COL5A2: variants seen among roughly 807,000 people sequenced by gnomAD.
COL5A2 encodes the protein collagen type V alpha 2 chain.
A neutral mutation model predicts 208.2 loss-of-function variants in COL5A2; 23 were observed. The observed-to-expected ratio is 0.11, with a 90% CI of 0.08 to 0.16. The LOEUF is 0.16. Among genes scored for constraint, COL5A2 ranks in the 10% least tolerant of loss-of-function variants. The pLI is 1.00. For synonymous variants in COL5A2, 625 were observed against 628.5 expected, an observed-to-expected ratio of 0.99 and a Z score of 0.08; for missense variants, 1,590 against 1,956.4, an observed-to-expected ratio of 0.81 and a Z score of 3.53.
chr2:189,066,256 C>T (rs927593905), intron 23 of COL5A2, 134 bp downstream of exon 23: 5 of 862,032 alleles, frequency 5.8e-6, no homozygotes, highest in African/African-American at 3.3e-5. Flanking sequence ...TTTCTATTTG[C>T]ACATAACTGT....
At chr2:189,440,579 T>C in the COL5A2 span, among the ~76,000 whole-genome samples, 2 of 152,234 alleles carry the variant, frequency 1.3e-5, no homozygotes, top group Admixed American at 1.3e-4. Flanking sequence ...GTGACTATAT[T>C]TGAGACCTTG....
chr2:189,274,649 T>A, the COL5A2 span, among the ~76,000 whole-genome samples: 1 of 152,124 alleles, frequency 6.6e-6, no homozygotes, highest in East Asian at 1.9e-4. Flanking sequence ...CATAAGCAAA[T>A]AATTTTCTTG....
the COL5A2 span, among the ~76,000 whole-genome samples, chr2:189,240,323 C>A: frequency 1.3e-5 from 2 of 152,100 alleles, no homozygotes; most frequent in South Asian, 4.1e-4. Flanking sequence ...TAGGTGACCA[C>A]TGTCTCACTG....
chr2:189,150,281 A>C (rs541053105), intron 1 of COL5A2, among the ~76,000 whole-genome samples: 1 of 152,164 alleles, frequency 6.6e-6, no homozygotes, highest in Non-Finnish European at 1.5e-5. Flanking sequence ...ACAGGCATTA[A>C]ATTATATCCA....
the COL5A2 span, among the ~76,000 whole-genome samples, chr2:189,426,316 A>G: frequency 1.3e-5 from 2 of 152,166 alleles, no homozygotes; most frequent in East Asian, 3.8e-4. Context: ...ATTCTATTCA[A>G]AGTCACCCCT....
chr2:189,062,184 ATT>A lies in COL5A2; in HGVS notation c.1978-571_1978-570del, dbSNP rs11322627. Among the ~76,000 whole-genome samples, 416 of 131,092 alleles carry A rather than the reference ATT, an allele frequency of 3.2e-3. 1 individual carries two copies. Among genetic ancestry groups the A allele is most frequent in the Middle Eastern group, 7.9e-3 (2 of 254 alleles). 86.0% of individuals were successfully genotyped at this position (131,092 alleles called of 152,430 possible). The stretch of plus-strand genomic sequence containing the variant: ...TATGTCCTAAAAAATACCTTAAATA[ATT>A]TTTTTTTTTTTTTTGGAGATGGAGT... On this transcript the variant is annotated intron_variant, in intron 29 of 53. Coordinates refer to ENST00000374866, the MANE Select transcript of COL5A2 (RefSeq NM_000393.5).
intron 1 of COL5A2, among the ~76,000 whole-genome samples, chr2:189,170,099 T>C (rs1688544331): frequency 6.6e-6 from 1 of 152,342 alleles, no homozygotes; most frequent in East Asian, 1.9e-4. Context: ...ACTGCTATCA[T>C]GTAGGTGTTA....
the COL5A2 span, among the ~76,000 whole-genome samples, chr2:189,264,572 G>A: frequency 6.6e-6 from 1 of 152,104 alleles, no homozygotes; most frequent in Non-Finnish European, 1.5e-5. Flanking sequence ...GACAGTTACA[G>A]TAAATCAGAA....
intron 1 of COL5A2, among the ~76,000 whole-genome samples, chr2:189,141,637 G>A (rs966355915): frequency 3.3e-5 from 5 of 152,156 alleles, no homozygotes; most frequent in Admixed American, 6.5e-5. Flanking sequence ...TTTAAAGTTA[G>A]CACGCTCATT....
At chr2:189,294,235 C>T in the COL5A2 span, among the ~76,000 whole-genome samples, 2 of 152,158 alleles carry the variant, frequency 1.3e-5, no homozygotes, top group South Asian at 2.1e-4. Context: ...CAAACTTGCA[C>T]TATCAACCTT....
At chr2:189,055,916 T>C (rs1685891647) in intron 35 of COL5A2, among the ~76,000 whole-genome samples, 1 of 152,186 alleles carries the variant, frequency 6.6e-6, no homozygotes, top group Non-Finnish European at 1.5e-5. Context: ...AGGACATCCA[T>C]GATGTAAAAT....
chr2:189,327,650 G>A, the COL5A2 span, among the ~76,000 whole-genome samples: 1 of 152,134 alleles, frequency 6.6e-6, no homozygotes, highest in Non-Finnish European at 1.5e-5. Flanking sequence ...CTTGAACTAG[G>A]TTGTCATATA....
At chr2:189,097,206 C>T (rs1468601682) in intron 6 of COL5A2, 71 bp downstream of exon 6, 1 of 1,447,280 alleles carries the variant, frequency 6.9e-7, no homozygotes, top group Non-Finnish European at 9.7e-7. Flanking sequence ...CAGCTTCTTG[C>T]TGCATTCAGA....
chr2:189,405,189 T>TA, the COL5A2 span, among the ~76,000 whole-genome samples: 1 of 152,034 alleles, frequency 6.6e-6, no homozygotes, highest in South Asian at 2.1e-4. Context: ...ATAAACACAT[T>TA]AAAAAAATAG....
chr2:189,098,794 G>T, intron 4 of COL5A2, 35 bp from the exon 5 acceptor site: 1 of 1,566,990 alleles, frequency 6.4e-7, no homozygotes. Context: ...TAAAGGTAAA[G>T]TTTCTGCAGA....
the COL5A2 span, among the ~76,000 whole-genome samples, chr2:189,375,450 TTC>T: frequency 6.6e-6 from 1 of 152,240 alleles, no homozygotes; most frequent in African/African-American, 2.4e-5. Context: ...ATTTTATGGA[TTC>T]TGTTTTCTCA....
At chr2:189,076,872 G>C (rs1267227144) in intron 16 of COL5A2, among the ~76,000 whole-genome samples, 1 of 152,070 alleles carries the variant, frequency 6.6e-6, no homozygotes. Context: ...CTTGAAGCCA[G>C]GAGTTTTAGA....
At chr2:189,378,726 C>CAA in the COL5A2 span, among the ~76,000 whole-genome samples, 722 of 79,500 alleles carry the variant, frequency 9.1e-3, 3 homozygotes, top group African/African-American at 0.029. Context: ...TCCGTCTCAA[C>CAA]AAAAAAAAAA....
At chr2:189,138,788 A>G (rs1687875584) in intron 1 of COL5A2, among the ~76,000 whole-genome samples, 1 of 152,256 alleles carries the variant, frequency 6.6e-6, no homozygotes, top group African/African-American at 2.4e-5. Flanking sequence ...AAGACTTTCC[A>G]GTGGCCAAAA....
Sources: allele counts gnomAD v4.1 joint callset (sites outside exome capture counted in the v4.1 genomes callset), GRCh38; gene constraint gnomAD v4.1.1; transcripts MANE v1.5; gene names NCBI Gene and HGNC (gene_info 2026-07-23, HGNC 2026-07-21).